Variants in MTMR8 observed in about 807,000 individuals in gnomAD.
MTMR8 encodes the protein phosphatidylinositol-3,5-bisphosphate 3-phosphatase MTMR8.
A neutral mutation model predicts 39.3 loss-of-function variants in MTMR8; 65 were observed. The observed-to-expected ratio is 1.65, with a 90% CI of 1.35 to 2.03. MTMR8 has a LOEUF of 2.03. Among genes scored for constraint, MTMR8 ranks in the 30% most tolerant of loss-of-function variants. The probability of loss-of-function intolerance (pLI) is 0.00; values close to 1 mark genes in which losing one functional copy is unlikely to be tolerated. For synonymous variants in MTMR8, 245 were observed against 185.2 expected (o/e 1.32, Z -2.62); for missense variants, 777 against 538.9 (o/e 1.44, Z -4.37).
chrX:64,282,020 A>T (rs1932026835), intron 12 of MTMR8, among the ~76,000 whole-genome samples: 1 of 111,281 alleles, frequency 9.0e-6, no homozygotes, highest in Non-Finnish European at 1.9e-5. Flanking sequence ...AAACCACCCA[A>T]TACTATCTCA....
intron 1 of MTMR8, among the ~76,000 whole-genome samples, chrX:64,369,531 G>T (rs1924071919): frequency 1.8e-5 from 2 of 110,740 alleles, no homozygotes; most frequent in African/African-American, 6.6e-5. Flanking sequence ...ACCAAACACT[G>T]CATGTTCTCA....
intron 9 of MTMR8, among the ~76,000 whole-genome samples, chrX:64,336,881 T>G (rs1923091357): frequency 8.9e-6 from 1 of 112,149 alleles, no homozygotes; most frequent in African/African-American, 3.2e-5. Flanking sequence ...CTTAGAAAGA[T>G]CAACTAAGAG....
chrX:64,302,165 C>T (rs1921907631), intron 12 of MTMR8, among the ~76,000 whole-genome samples: 1 of 112,686 alleles, frequency 8.9e-6, no homozygotes, highest in South Asian at 3.7e-4. Context: ...CTCCCCCAGC[C>T]TCGCTGCTGC....
At chrX:64,377,853 C>T (rs2038084313) in intron 1 of MTMR8, among the ~76,000 whole-genome samples, 1 of 111,940 alleles carries the variant, frequency 8.9e-6, no homozygotes, top group South Asian at 3.7e-4. Flanking sequence ...AACTGTAATC[C>T]CCAATGTTTG....
At chrX:64,282,359 C>A (rs1186510654) in intron 12 of MTMR8, among the ~76,000 whole-genome samples, 1 of 111,031 alleles carries the variant, frequency 9.0e-6, no homozygotes, top group Non-Finnish European at 1.9e-5. Context: ...TGAGGCCTGT[C>A]AGAAGGGGTG....
At chrX:64,322,025 G>A (rs1042053835) in intron 12 of MTMR8, among the ~76,000 whole-genome samples, 5 of 109,900 alleles carry the variant, frequency 4.5e-5, no homozygotes, top group East Asian at 5.7e-4. Flanking sequence ...ACGTGCTGTC[G>A]AATTCTGTTT....
At chrX:64,309,272 A>G (rs1187206162) in intron 12 of MTMR8, among the ~76,000 whole-genome samples, 1 of 111,505 alleles carries the variant, frequency 9.0e-6, no homozygotes, top group Non-Finnish European at 1.9e-5. Flanking sequence ...TAGTTCTTTG[A>G]TTTCATCAGA....
At chrX:64,355,915 T>A (rs1233998527) in intron 3 of MTMR8, among the ~76,000 whole-genome samples, 1 of 111,318 alleles carries the variant, frequency 9.0e-6, no homozygotes, top group Non-Finnish European at 1.9e-5. Flanking sequence ...GAAGAAAATA[T>A]CTATTAAACA....
intron 12 of MTMR8, among the ~76,000 whole-genome samples, chrX:64,272,996 G>A (rs542717679): frequency 9.0e-6 from 1 of 111,536 alleles, no homozygotes; most frequent in East Asian, 2.8e-4. Context: ...AAAAGCTAAG[G>A]GAGTTCATTA....
chrX:64,370,290 T>A (rs1924092958), intron 1 of MTMR8, among the ~76,000 whole-genome samples: 1 of 110,874 alleles, frequency 9.0e-6, no homozygotes, highest in South Asian at 3.9e-4. Context: ...CATAGGTGAA[T>A]GAGTGGTTCA....
chrX:64,335,756 T>C lies in MTMR8; in HGVS notation c.1151+323A>G, dbSNP rs187206632. The stretch of plus-strand genomic sequence containing the variant: ...CAAAAATTCATCCTCAAATGCTGTG[T>C]ACTCCTGGAAGCCTACCCTGACCTC... On this transcript the variant is annotated intron_variant, in intron 10 of 13. Coordinates refer to ENST00000374852, the MANE Select transcript of MTMR8 (RefSeq NM_017677.4). Among the ~76,000 whole-genome samples the C allele has an allele frequency of 7.1e-5, 8 of 112,223 alleles. No individual in the cohort carries two copies. In the East Asian group the frequency reaches 2.0e-3, roughly 28 times the overall value.
rs922752872 is a variant in MTMR8, at chrX:64,375,166, G to A, written c.25-15639C>T. On this transcript the variant is annotated intron_variant, in intron 1 of 13. Transcript: ENST00000374852. ...ATTTGAGCCCAGGAGTTTGAGACCA[G>A]CCTGGGAAACACAGCAAAACCCCAT... Among the ~76,000 whole-genome samples the A allele has an allele frequency of 3.6e-5, 4 of 109,612 alleles. No homozygotes were observed. In the South Asian group the frequency reaches 1.6e-3, roughly 45 times the overall value.
chrX:64,302,016 T>C (rs1335830287), intron 12 of MTMR8, among the ~76,000 whole-genome samples: 1 of 112,415 alleles, frequency 8.9e-6, no homozygotes, highest in Non-Finnish European at 1.9e-5. Flanking sequence ...CTGCTGTCTT[T>C]TTGTTTGTCT....
At chrX:64,278,055 C>T (rs761669671) in intron 12 of MTMR8, among the ~76,000 whole-genome samples, 7 of 108,661 alleles carry the variant, frequency 6.4e-5, no homozygotes, top group South Asian at 4.1e-4. Context: ...ACAAAGTTCT[C>T]GTGCTGTGTT....
intron 12 of MTMR8, among the ~76,000 whole-genome samples, chrX:64,300,462 A>T (rs776342703): frequency 9.4e-4 from 104 of 110,523 alleles, no homozygotes; most frequent in Non-Finnish European, 1.7e-3. Flanking sequence ...TTTTGAGCCT[A>T]TGTGTGTCTC....
chrX:64,327,390 A>G (rs760608674), intron 12 of MTMR8, among the ~76,000 whole-genome samples: 11 of 112,399 alleles, frequency 9.8e-5, no homozygotes, highest in Non-Finnish European at 1.9e-5. Context: ...ATACTTTTCA[A>G]AAGAAGATAT....
At chrX:64,288,802 G>T (rs957088576) in intron 12 of MTMR8, among the ~76,000 whole-genome samples, 6 of 110,416 alleles carry the variant, frequency 5.4e-5, no homozygotes, top group Non-Finnish European at 9.4e-5. Context: ...GTCACTCATA[G>T]GTGGGAAATG....
At chrX:64,286,945 G>A (rs144101883) in intron 12 of MTMR8, among the ~76,000 whole-genome samples, 397 of 111,529 alleles carry the variant, frequency 3.6e-3, no homozygotes, top group Non-Finnish European at 5.5e-3. Flanking sequence ...TCAACATAGT[G>A]TTGGAAGTTC....
rs1204362944 is a variant in MTMR8, at chrX:64,295,477, T to C, written c.1482-24404A>G. Among the ~76,000 whole-genome samples, 8 of 111,370 alleles carry C rather than the reference T, an allele frequency of 7.2e-5. No homozygotes were observed. In the East Asian group the frequency reaches 2.0e-3, roughly 27 times the overall value. On this transcript the variant is annotated intron_variant, in intron 12 of 13. Coordinates refer to ENST00000374852, the MANE Select transcript of MTMR8 (RefSeq NM_017677.4). ...AAGAATAAATTGATAAACTGTACTT[T>C]ATCAAAATTTTGTGCATCAAAAGAT...
Sources: allele counts gnomAD v4.1 joint callset (sites outside exome capture counted in the v4.1 genomes callset), GRCh38; gene constraint gnomAD v4.1.1; transcripts MANE v1.5; gene names NCBI Gene and HGNC (gene_info 2026-07-23, HGNC 2026-07-21).